Variants in EPHA10 observed in about 807,000 individuals in gnomAD.
EPHA10 encodes the protein EPH receptor A10.
In EPHA10, 120 loss-of-function variants were observed where a neutral mutation model predicts 109.7. The observed-to-expected ratio is 1.09, with a 90% CI of 0.94 to 1.27. The LOEUF is 1.27. EPHA10 is among the 50% of genes most tolerant of loss of function. The pLI is 0.00. For missense variants in EPHA10, 1,396 were observed against 1,411.1 expected (o/e 0.99, Z 0.17); for synonymous variants, 640 against 618.9 (o/e 1.03, Z -0.51).
chr1:37,716,245 G>C lies in EPHA10; in HGVS notation c.*2127C>G. The C allele has an allele frequency of 3.6e-6, 1 of 280,064 alleles. No individual in the cohort carries two copies. The highest frequency in any genetic ancestry group is 6.8e-6 in the Non-Finnish European group (1 of 147,492). The allele number at this position is 280,064 out of a possible 1,614,324, so 17.3% of individuals were successfully genotyped here. On this transcript the variant is annotated 3_prime_UTR_variant, in exon 17 of 17. Transcript: ENST00000373048. Reference sequence around the variant, plus strand: ...TCTGGGACCTCACTCCTCAGTGGAGGGGAGATCTACCCTGGACACCGAAGT... The same window carrying C: ...TCTGGGACCTCACTCCTCAGTGGAGCGGAGATCTACCCTGGACACCGAAGT...
intron 8 of EPHA10, among the ~76,000 whole-genome samples, chr1:37,726,472 G>A (rs1459720917): frequency 6.6e-6 from 1 of 152,218 alleles, no homozygotes; most frequent in East Asian, 1.9e-4. Context: ...CCATCTGGGC[G>A]ACTCTGCCTG....
At chr1:37,747,552 C>CAAAAA (rs35864756) in intron 5 of EPHA10, among the ~76,000 whole-genome samples, 1 of 108,574 alleles carries the variant, frequency 9.2e-6, no homozygotes. Context: ...GAAACTGTCT[C>CAAAAA]AAAAAAAAAA....
chr1:37,740,974 AAGG>A (rs1442396181), intron 5 of EPHA10, among the ~76,000 whole-genome samples: 1 of 152,202 alleles, frequency 6.6e-6, no homozygotes, highest in African/African-American at 2.4e-5. Context: ...GAAGCTTGAC[AAGG>A]AGGAGCCAGA....
intron 11 of EPHA10, 68 bp from the exon 12 acceptor site, chr1:37,720,912 C>T: frequency 6.5e-7 from 1 of 1,537,656 alleles, no homozygotes. Context: ...CAAGTTTCCC[C>T]CCCAGGGTCC....
chr1:37,724,883 G>T (rs1438493811), intron 8 of EPHA10, among the ~76,000 whole-genome samples: 1 of 152,174 alleles, frequency 6.6e-6, no homozygotes, highest in Non-Finnish European at 1.5e-5. Context: ...AGATAGGCCT[G>T]CCAGACAGCA....
At chr1:37,728,939 G>A (rs1395011734) in intron 7 of EPHA10, among the ~76,000 whole-genome samples, 1 of 152,158 alleles carries the variant, frequency 6.6e-6, no homozygotes, top group African/African-American at 2.4e-5. Flanking sequence ...CTCTGAGATG[G>A]CATCCCTACC....
chr1:37,723,308 C>A lies in EPHA10; in HGVS notation c.1834+3G>T. The A allele has an allele frequency of 6.2e-7, 1 of 1,614,078 alleles. No homozygotes were observed. On this transcript the variant is annotated splice_donor_region_variant and intron_variant, in intron 9 of 16. Coordinates refer to ENST00000373048, the MANE Select transcript of EPHA10 (RefSeq NM_001099439.2). ...CCTCCCCAGCCAGGCCCAGCCAACT[C>A]ACAGTGGAAATACAGCTCCTCTTCA...
chr1:37,727,078 C>A (rs1035766755), intron 8 of EPHA10, 24 bp downstream of exon 8: 1 of 1,587,538 alleles, frequency 6.3e-7, no homozygotes, highest in Admixed American at 1.7e-5. Context: ...CCAGGAGTCA[C>A]CTAGGCTGGG....
intron 8 of EPHA10, among the ~76,000 whole-genome samples, chr1:37,724,528 A>G (rs1487457891): frequency 2.0e-5 from 3 of 151,700 alleles, no homozygotes; most frequent in East Asian, 3.9e-4. Context: ...CAAGGACAGT[A>G]CAAAAGAATC....
At position 37,762,718 on chromosome 1, in the gene EPHA10, G is replaced by T. The variant is rs952448744; in HGVS notation, c.171+67C>A. 3 of 1,412,512 alleles carry T rather than the reference G, an allele frequency of 2.1e-6. No homozygotes were observed. The South Asian group carries it at 4.1e-5, about 19-fold the overall frequency. 87.5% of individuals were successfully genotyped at this position (1,412,512 alleles called of 1,614,324 possible). On this transcript the variant is annotated intron_variant, in intron 2 of 16. Coordinates refer to ENST00000373048, the MANE Select transcript of EPHA10 (RefSeq NM_001099439.2). ...CTTTTGTCTGATGTAAACATGAGGA[G>T]CTGAGGAGACTGTGTCCTGGACCAC...
At chr1:37,757,163 AT>A (rs1288174676) in intron 3 of EPHA10, among the ~76,000 whole-genome samples, 3 of 152,078 alleles carry the variant, frequency 2.0e-5, no homozygotes, top group Non-Finnish European at 2.9e-5. Context: ...ATATGCCCTG[AT>A]TTTTTCCCCC....
intron 6 of EPHA10, among the ~76,000 whole-genome samples, chr1:37,733,480 A>G (rs571349319): frequency 6.6e-6 from 1 of 152,170 alleles, no homozygotes; most frequent in South Asian, 2.1e-4. Flanking sequence ...CAGCTTCCCA[A>G]AGTGCTGGAA....
chr1:37,714,322 G>A (rs543478955), downstream of EPHA10, among the ~76,000 whole-genome samples: 7 of 152,322 alleles, frequency 4.6e-5, no homozygotes, highest in South Asian at 1.5e-3. Flanking sequence ...GGACTCATGT[G>A]GTCCAAGTGT....
intron 7 of EPHA10, among the ~76,000 whole-genome samples, chr1:37,730,835 G>A (rs190978230): frequency 6.6e-5 from 10 of 152,080 alleles, no homozygotes; most frequent in African/African-American, 2.4e-4. Context: ...GGGATTACAG[G>A]TGCCCGCCAC....
In EPHA10 at chr1:37,761,994, C is replaced by T; in HGVS notation, c.261G>A (p.Trp87Ter). 6.2e-7 allele frequency: 1 copy of T among 1,614,178 alleles called. No individual in the cohort carries two copies. Among genetic ancestry groups the T allele is most frequent in the Non-Finnish European group, 8.5e-7 (1 of 1,180,010 alleles). Residue 87 changes from tryptophan (W) to a stop codon, truncating the protein, a stop_gained, in exon 3 of 17, where the codon TGG becomes TGA. Transcript: ENST00000373048. LOFTEE classifies it high-confidence loss of function. ...CACGGCTTATCCAGCCAGTCTGCAG[C>T]CAGTTGTCCTGGTTGGGCTCCAGCA... ...CNVLEPNQDN[W>*]LQTGWISRGR...
intron 5 of EPHA10, among the ~76,000 whole-genome samples, chr1:37,739,957 G>T (rs1646128541): frequency 6.6e-6 from 1 of 152,032 alleles, no homozygotes; most frequent in Non-Finnish European, 1.5e-5. Context: ...AGCTGGGCAT[G>T]GTGTCACACA....
rs765848466 is a variant in EPHA10, at chr1:37,765,098, G to C, written c.-32C>G. ...CAGACCGAGCTGTCAGTCCGGCGGCGGCTCAAGCCGCGCCAGCCTAGCACC... is the reference window on the plus strand; with the variant it reads ...CAGACCGAGCTGTCAGTCCGGCGGCCGCTCAAGCCGCGCCAGCCTAGCACC... On this transcript the variant is annotated 5_prime_UTR_variant, in exon 1 of 17. Transcript: ENST00000373048. The C allele has an allele frequency of 6.4e-7, 1 of 1,553,968 alleles. No homozygotes were observed. The highest frequency in any genetic ancestry group is 1.9e-5 in the Admixed American group (1 of 51,862).
Position 37,723,052 on chromosome 1 carries a change from C to T in EPHA10, c.1949G>A (p.Ser650Asn), listed in dbSNP as rs1339349634. 6.2e-7 allele frequency: 1 copy of T among 1,614,182 alleles called. No homozygotes were observed. The highest frequency in any genetic ancestry group is 8.5e-7 in the Non-Finnish European group (1 of 1,180,042). ...LDAKSVTLER[S>N]LGGGRFGELC... ...GGCGCCCAGCTTGCCTCCTCCAAGG[C>T]TCCTCTCCAGCGTGACGCTTTTCGC... The change falls in exon 10 of 17, where the codon AGC becomes AAC. Residue 650 changes from serine (S) to asparagine (N), a missense_variant. Transcript: ENST00000373048.
intron 3 of EPHA10, chr1:37,760,125 C>T (rs189960776): frequency 7.4e-6 from 2 of 271,662 alleles, no homozygotes; most frequent in Non-Finnish European, 1.2e-5. Flanking sequence ...GTCCTCCCAC[C>T]ACTCTGTGTA....
Sources: gnomAD v4.1 joint callset for allele counts (sites outside exome capture counted in the v4.1 genomes callset) on GRCh38, gnomAD v4.1.1 for gene constraint, MANE v1.5 for transcripts, NCBI Gene and HGNC (gene_info 2026-07-23, HGNC 2026-07-21) for gene names.